Variants in GALNT10 observed in about 807,000 individuals in gnomAD.
The protein encoded by GALNT10 is polypeptide N-acetylgalactosaminyltransferase 10, also known as GalNAc transferase 10.
Under a neutral mutation model 75.0 loss-of-function variants are expected in GALNT10, and 41 were observed. The ratio of observed to expected loss-of-function variants is 0.55; its 90% CI spans 0.43 to 0.71. The LOEUF (loss-of-function observed/expected upper bound fraction) is 0.71. GALNT10 is among the 30% of genes least tolerant of loss of function. The pLI, the probability that GALNT10 is intolerant of heterozygous loss-of-function variation, is 0.00. For missense variants in GALNT10, 727 were observed against 818.5 expected, an observed-to-expected ratio of 0.89 and a Z score of 1.36; for synonymous variants, 302 against 313.0, an observed-to-expected ratio of 0.96 and a Z score of 0.37.
At chr5:154,217,384 T>G (rs1227973875) in intron 1 of GALNT10, among the ~76,000 whole-genome samples, 1 of 152,192 alleles carries the variant, frequency 6.6e-6, no homozygotes, top group African/African-American at 2.4e-5. Context: ...ACATCTCCCT[T>G]CCTGCCTTAC....
chr5:154,412,805 T>C lies in GALNT10; in HGVS notation c.1387-84T>C. 1 of 895,622 alleles carries C rather than the reference T, an allele frequency of 1.1e-6. No individual in the cohort carries two copies. Among genetic ancestry groups the C allele is most frequent in the Non-Finnish European group, 1.9e-6 (1 of 530,448 alleles). The allele number at this position is 895,622 out of a possible 1,614,324, so 55.5% of individuals were successfully genotyped here. The stretch of plus-strand genomic sequence containing the variant: ...GGTTAATCCAGCTAATGTCTCCCAC[T>C]TGGTTTCCCCTTTCACCTGGCAGGG... On this transcript the variant is annotated intron_variant, in intron 9 of 11. Transcript: ENST00000297107. This position sits in a 1 kb window ranked among gnomAD's most constrained non-coding sequence, Gnocchi z 4.2.
intron 10 of GALNT10, among the ~76,000 whole-genome samples, chr5:154,415,436 C>T (rs573465806): frequency 9.2e-5 from 14 of 152,102 alleles, no homozygotes; most frequent in African/African-American, 3.1e-4. Flanking sequence ...CTCCTGGGCT[C>T]AAGTGATTCT....
chr5:154,369,154 G>T (rs759734915), intron 4 of GALNT10, among the ~76,000 whole-genome samples: 1 of 152,166 alleles, frequency 6.6e-6, no homozygotes, highest in Non-Finnish European at 1.5e-5. Context: ...TTGGGAGGCC[G>T]AAGTGGGTGG....
At chr5:154,257,184 T>C (rs1753628000) in intron 1 of GALNT10, among the ~76,000 whole-genome samples, 1 of 152,166 alleles carries the variant, frequency 6.6e-6, no homozygotes, top group South Asian at 2.1e-4. Flanking sequence ...ATCTAGCCAG[T>C]TGCAAAGTCC....
intron 3 of GALNT10, among the ~76,000 whole-genome samples, chr5:154,326,092 G>A (rs1447336064): frequency 1.0e-4 from 15 of 150,340 alleles, no homozygotes; most frequent in African/African-American, 3.7e-4. Context: ...AAACCTGAAA[G>A]TAAAATATAC....
intron 1 of GALNT10, among the ~76,000 whole-genome samples, chr5:154,275,332 G>A (rs757484209): frequency 2.6e-5 from 4 of 152,234 alleles, no homozygotes; most frequent in Non-Finnish European, 5.9e-5. Context: ...ATTGAGGATA[G>A]TTGTTCAGAA....
At chr5:154,262,785 C>A (rs1196218941) in intron 1 of GALNT10, among the ~76,000 whole-genome samples, 1 of 152,130 alleles carries the variant, frequency 6.6e-6, no homozygotes, top group Non-Finnish European at 1.5e-5. Flanking sequence ...GCTTTAGGAT[C>A]CTATCAGAAT....
rs1469834906 is a variant in GALNT10, at chr5:154,420,002, T to A, written c.*3030T>A. On this transcript the variant is annotated 3_prime_UTR_variant, in exon 12 of 12. Coordinates refer to ENST00000297107, the MANE Select transcript of GALNT10 (RefSeq NM_198321.4). ...GGGGAACTCCAGAGACATTTCATAATGCAAACAGCACTGTTGCTTTAAGAA... is the reference window on the plus strand; with the variant it reads ...GGGGAACTCCAGAGACATTTCATAAAGCAAACAGCACTGTTGCTTTAAGAA... 2.6e-5 allele frequency: 4 copies of A among 152,232 alleles called. No individual in the cohort carries two copies. The highest frequency in any genetic ancestry group is 5.9e-5 in the Non-Finnish European group (4 of 68,036). The allele number at this position is 152,232 out of a possible 1,614,324, so 9.4% of individuals were successfully genotyped here.
At chr5:154,235,165 C>A (rs1285396385) in intron 1 of GALNT10, among the ~76,000 whole-genome samples, 2 of 152,188 alleles carry the variant, frequency 1.3e-5, no homozygotes, top group Non-Finnish European at 2.9e-5. Context: ...GCGGTCCCTT[C>A]GAAGCCCAGC....
chr5:154,292,975 G>GT (rs143787482), intron 1 of GALNT10, among the ~76,000 whole-genome samples: 14,288 of 151,450 alleles, frequency 0.094, 719 homozygotes, highest in African/African-American at 0.13. Context: ...AGTTTTTGTA[G>GT]TTTTTTTTTC....
chr5:154,220,702 G>A lies in GALNT10; in HGVS notation c.159+29677G>A, dbSNP rs115420022. On this transcript the variant is annotated intron_variant, in intron 1 of 11. Transcript: ENST00000297107. ...CACAGCAAGAGAAATGTTCAAAGCT[G>A]GAGCCATCTGATGGGGCTGTCACAG... is the stretch of plus-strand genomic sequence containing the variant. Among the ~76,000 whole-genome samples, 888 of 152,334 alleles carry A rather than the reference G, an allele frequency of 5.8e-3. 9 individuals are homozygous for A. Among genetic ancestry groups the A allele is most frequent in the African/African-American group, 0.02 (826 of 41,572 alleles).
chr5:154,247,969 A>G (rs1042354950), intron 1 of GALNT10, among the ~76,000 whole-genome samples: 14 of 152,156 alleles, frequency 9.2e-5, no homozygotes, highest in African/African-American at 3.4e-4. Flanking sequence ...AGCTCTTATT[A>G]TTTTGAGATA....
rs114938466 is a variant in GALNT10 at position 154,316,333 on chromosome 5, C to T, written c.402-13239C>T. Among the ~76,000 whole-genome samples, 476 of 152,306 alleles carry T rather than the reference C, an allele frequency of 3.1e-3. 4 individuals are homozygous for T. The highest frequency in any genetic ancestry group is 0.011 in the African/African-American group (442 of 41,564). On this transcript the variant is annotated intron_variant, in intron 3 of 11. Transcript: ENST00000297107. ...GCCAGGTCCACCTCCCAGCTGGCCA[C>T]GTTGTCTGGGATCACCAAGCAGCTC...
At chr5:154,248,751 C>A (rs1345705712) in intron 1 of GALNT10, among the ~76,000 whole-genome samples, 4 of 152,080 alleles carry the variant, frequency 2.6e-5, no homozygotes, top group Non-Finnish European at 2.9e-5. Context: ...TTGATCTTTT[C>A]AAAAAATCAG....
chr5:154,337,581 C>T, intron 4 of GALNT10: 2 of 792,692 alleles, frequency 2.5e-6, no homozygotes, highest in Non-Finnish European at 4.5e-6. Flanking sequence ...AGAGCTTCTG[C>T]CTCTAAAGTT....
intron 1 of GALNT10, among the ~76,000 whole-genome samples, chr5:154,255,438 G>A (rs896569247): frequency 1.1e-4 from 17 of 152,036 alleles, no homozygotes; most frequent in Admixed American, 2.0e-4. Context: ...ACAGAGATGT[G>A]ATATCATGAG....
At chr5:154,404,050 G>T (rs1451496119) in intron 7 of GALNT10, 54 bp from the exon 8 acceptor site, 1 of 1,379,600 alleles carries the variant, frequency 7.2e-7, no homozygotes, top group South Asian at 1.2e-5. Context: ...GGCCTGGCGG[G>T]ATGGTGAACT....
At chr5:154,247,163 G>A (rs1238324287) in intron 1 of GALNT10, among the ~76,000 whole-genome samples, 3 of 152,126 alleles carry the variant, frequency 2.0e-5, no homozygotes, top group Non-Finnish European at 2.9e-5. Flanking sequence ...TGTTCCATTG[G>A]TCTATATCTC....
At chr5:154,408,963 G>A (rs1236370173) in intron 8 of GALNT10, among the ~76,000 whole-genome samples, 1 of 152,152 alleles carries the variant, frequency 6.6e-6, no homozygotes, top group Non-Finnish European at 1.5e-5. Context: ...CTTCATTCTG[G>A]GTTGATTTCA....
Sources: allele counts gnomAD v4.1 joint callset (sites outside exome capture counted in the v4.1 genomes callset), GRCh38; gene constraint gnomAD v4.1.1; non-coding constraint Gnocchi (gnomAD v3.1); transcripts MANE v1.5; gene names NCBI Gene and HGNC (gene_info 2026-07-23, HGNC 2026-07-21).